The following ST6GALNAC3 variants were observed in gnomAD, a reference collection of about 807,000 sequenced individuals.
ST6GALNAC3 encodes the protein alpha-N-acetylgalactosaminide alpha-2,6-sialyltransferase 3.
In ST6GALNAC3, 25 loss-of-function variants were observed where a neutral mutation model predicts 32.7. That is an observed-to-expected ratio of 0.76 (90% CI 0.56 to 1.07). The LOEUF is 1.07. ST6GALNAC3 is among the 50% of genes least tolerant of loss of function. The pLI is 0.00. For missense variants in ST6GALNAC3, 355 were observed against 382.4 expected, an observed-to-expected ratio of 0.93 and a Z score of 0.60; for synonymous variants, 129 against 133.1, an observed-to-expected ratio of 0.97 and a Z score of 0.21.
intron 1 of ST6GALNAC3, among the ~76,000 whole-genome samples, chr1:76,242,237 A>G (rs1273786904): frequency 6.6e-6 from 1 of 152,132 alleles, no homozygotes; most frequent in East Asian, 1.9e-4. Context: ...GATTGGAAGA[A>G]CATTTGTAAT....
intron 2 of ST6GALNAC3, among the ~76,000 whole-genome samples, chr1:76,384,781 A>G (rs149206887): frequency 2.0e-5 from 3 of 150,708 alleles, no homozygotes; most frequent in Non-Finnish European, 4.5e-5. Flanking sequence ...CCATTCCTAG[A>G]TACCTCACAT....
intron 3 of ST6GALNAC3, among the ~76,000 whole-genome samples, chr1:76,623,335 G>A (rs968724570): frequency 6.6e-6 from 1 of 151,870 alleles, no homozygotes; most frequent in African/African-American, 2.4e-5. Context: ...AGGATTGATG[G>A]CTTCCTCTTC....
intron 3 of ST6GALNAC3, among the ~76,000 whole-genome samples, chr1:76,432,645 C>G (rs1655847154): frequency 2.0e-5 from 3 of 151,356 alleles, no homozygotes; most frequent in Admixed American, 2.0e-4. Context: ...TTTGTAAAGA[C>G]AGAGTCACTC....
intron 2 of ST6GALNAC3, among the ~76,000 whole-genome samples, chr1:76,317,537 G>A (rs901275548): frequency 6.6e-6 from 1 of 152,102 alleles, no homozygotes; most frequent in Admixed American, 6.6e-5. Flanking sequence ...TGATCACCAA[G>A]CTGATCTACT....
At chr1:76,338,433 C>T (rs1647680971) in intron 2 of ST6GALNAC3, among the ~76,000 whole-genome samples, 1 of 152,112 alleles carries the variant, frequency 6.6e-6, no homozygotes, top group South Asian at 2.1e-4. Context: ...GAGAAAGACC[C>T]CTATAATTCT....
chr1:76,309,970 T>C, intron 1 of ST6GALNAC3: 1 of 497,668 alleles, frequency 2.0e-6, no homozygotes, highest in South Asian at 1.5e-5. Context: ...TATTTTTCTC[T>C]CACGTATGCA....
rs74785783 is a variant in ST6GALNAC3, at chr1:76,175,056, C to G, written c.18+100172C>G. Among the ~76,000 whole-genome samples, 25 of 152,222 alleles carry G rather than the reference C, an allele frequency of 1.6e-4. No individual in the cohort carries two copies. In the East Asian group the frequency reaches 4.8e-3, roughly 29 times the overall value. ...CCATTACTTACTTAATCTGTTCTTCCTGGACATCTGATTTTTCTTTATTGT... is the reference window on the plus strand; with the variant it reads ...CCATTACTTACTTAATCTGTTCTTCGTGGACATCTGATTTTTCTTTATTGT... On this transcript the variant is annotated intron_variant, in intron 1 of 4. Transcript: ENST00000328299.
intron 3 of ST6GALNAC3, among the ~76,000 whole-genome samples, chr1:76,499,051 G>A (rs1257329859): frequency 1.3e-5 from 2 of 152,050 alleles, no homozygotes; most frequent in Non-Finnish European, 1.5e-5. Flanking sequence ...TCCTTGAATA[G>A]CAATAAAATG....
chr1:76,573,448 A>G (rs1646744387), intron 3 of ST6GALNAC3, among the ~76,000 whole-genome samples: 2 of 152,224 alleles, frequency 1.3e-5, no homozygotes, highest in South Asian at 4.1e-4. Context: ...TGAATTGCAC[A>G]CACAGGGAGC....
At chr1:76,272,243 T>G (rs1265426750) in intron 1 of ST6GALNAC3, among the ~76,000 whole-genome samples, 2 of 149,412 alleles carry the variant, frequency 1.3e-5, no homozygotes, top group Non-Finnish European at 3.0e-5. Flanking sequence ...GGAGAATCGC[T>G]TGAACCCAGG....
At chr1:76,537,801 T>C (rs1663714588) in intron 3 of ST6GALNAC3, among the ~76,000 whole-genome samples, 1 of 151,934 alleles carries the variant, frequency 6.6e-6, no homozygotes, top group East Asian at 1.9e-4. Context: ...ACATACACCC[T>C]CCCAAGACTA....
chr1:76,240,932 T>A (rs1304226665), intron 1 of ST6GALNAC3, among the ~76,000 whole-genome samples: 1 of 152,200 alleles, frequency 6.6e-6, no homozygotes, highest in Non-Finnish European at 1.5e-5. Flanking sequence ...AGAACTAGGT[T>A]TAAGATACTT....
chr1:76,371,358 G>A lies in ST6GALNAC3; in HGVS notation c.214-40650G>A, dbSNP rs118106428. Among the ~76,000 whole-genome samples the A allele has an allele frequency of 1.1e-3, 161 of 152,272 alleles. 3 individuals carry two copies. The East Asian group carries it at 0.03, about 28-fold the overall frequency. On this transcript the variant is annotated intron_variant, in intron 2 of 4. Transcript: ENST00000328299. ...TGTGGTATTTATACTGTGCCTGAGT[G>A]AAAGGCTTCCCCAAGGAAGTGACAC...
intron 3 of ST6GALNAC3, among the ~76,000 whole-genome samples, chr1:76,544,565 G>T (rs984437978): frequency 1.3e-5 from 2 of 152,116 alleles, no homozygotes; most frequent in Non-Finnish European, 2.9e-5. Context: ...CATATTCCTG[G>T]CAAGAGCAAC....
At chr1:76,593,969 A>T (rs941874993) in intron 3 of ST6GALNAC3, among the ~76,000 whole-genome samples, 1 of 152,124 alleles carries the variant, frequency 6.6e-6, no homozygotes, top group Non-Finnish European at 1.5e-5. Context: ...CACAGAGCCC[A>T]TCACAAGTAG....
At chr1:76,587,735 C>T (rs1646984135) in intron 3 of ST6GALNAC3, among the ~76,000 whole-genome samples, 2 of 152,142 alleles carry the variant, frequency 1.3e-5, no homozygotes, top group South Asian at 2.1e-4. Context: ...AAAAGGAGAG[C>T]CTGTCCCTCA....
intron 3 of ST6GALNAC3, among the ~76,000 whole-genome samples, chr1:76,622,788 C>T (rs1406922155): frequency 6.6e-6 from 1 of 151,936 alleles, no homozygotes; most frequent in Non-Finnish European, 1.5e-5. Context: ...GCAGAGCATC[C>T]TGTGAATAGA....
At chr1:76,498,078 T>C (rs1289350154) in intron 3 of ST6GALNAC3, among the ~76,000 whole-genome samples, 1 of 152,184 alleles carries the variant, frequency 6.6e-6, no homozygotes, top group East Asian at 1.9e-4. Context: ...TCCAAGGGCC[T>C]TGCCCCTGTG....
At chr1:76,564,775 CG>C (rs933551513) in intron 3 of ST6GALNAC3, among the ~76,000 whole-genome samples, 23 of 151,998 alleles carry the variant, frequency 1.5e-4, no homozygotes, top group Middle Eastern at 3.4e-3. Flanking sequence ...TTAGTAGAGA[CG>C]GGGTTTCACC....
Sources: allele counts gnomAD v4.1 joint callset (sites outside exome capture counted in the v4.1 genomes callset), GRCh38; gene constraint gnomAD v4.1.1; transcripts MANE v1.5; gene names NCBI Gene and HGNC (gene_info 2026-07-23, HGNC 2026-07-21).